Variants in ANKS1A observed in about 807,000 individuals in gnomAD.
ANKS1A encodes ankyrin repeat and sterile alpha motif domain containing 1A, also known as ankyrin repeat and SAM domain-containing protein 1A.
ANKS1A carries 55 observed loss-of-function variants against 120.3 expected under a neutral mutation model. The observed-to-expected ratio is 0.46, with a 90% confidence interval of 0.37 to 0.57. The LOEUF (loss-of-function observed/expected upper bound fraction) is 0.57. ANKS1A is among the 20% of genes least tolerant of loss of function. The pLI is 0.00. For missense variants in ANKS1A, 1,123 were observed against 1,480.3 expected (o/e 0.76, Z 3.96); for synonymous variants, 590 against 604.7 (o/e 0.98, Z 0.36).
chr6:35,090,151 A>G lies in ANKS1A; in HGVS notation c.*1542A>G, dbSNP rs1221915021. The G allele has an allele frequency of 1.6e-6, 2 of 1,289,334 alleles. No homozygotes were observed. The highest frequency in any genetic ancestry group is 2.0e-6 in the Non-Finnish European group (2 of 988,880). 79.9% of individuals were successfully genotyped at this position (1,289,334 alleles called of 1,614,324 possible). A position where few individuals can be genotyped will look rare whatever the true frequency, so the allele number is the denominator to read the frequency against. ...ACTCAGCTCTCTCTGCGGTAGAGGC[A>G]GGCCCTCCTCCACTTCTTGGTACTA... On this transcript the variant is annotated 3_prime_UTR_variant, in exon 24 of 24. Coordinates refer to ENST00000360359, the MANE Select transcript of ANKS1A (RefSeq NM_015245.3).
intron 1 of ANKS1A, among the ~76,000 whole-genome samples, chr6:34,914,112 T>G (rs1221933473): frequency 4.3e-5 from 6 of 138,936 alleles, no homozygotes; most frequent in South Asian, 2.4e-4. Flanking sequence ...TAGTAGAGAC[T>G]GGGTTTCAAC....
At chr6:34,998,719 T>C (rs1772985614) in intron 10 of ANKS1A, among the ~76,000 whole-genome samples, 1 of 152,118 alleles carries the variant, frequency 6.6e-6, no homozygotes, top group Non-Finnish European at 1.5e-5. Flanking sequence ...CAGGAATTGC[T>C]CACTCGGGGA....
rs1248252035 is a variant in ANKS1A at position 34,991,526 on chromosome 6, G to GA, written c.1302+2220dup. 1.3e-3 allele frequency among the ~76,000 whole-genome samples: 158 copies of GA among 124,996 alleles called. 2 individuals are homozygous for GA. The highest frequency in any genetic ancestry group is 6.5e-3 in the East Asian group (28 of 4,276). 82.0% of individuals were successfully genotyped at this position (124,996 alleles called of 152,430 possible). On this transcript the variant is annotated intron_variant, in intron 9 of 23. Coordinates refer to ENST00000360359, the MANE Select transcript of ANKS1A (RefSeq NM_015245.3). ...GAAATGTTGCTTTCCACATAGCCGGGAAAAAAAAAATATATACACACACAC... is the reference window on the plus strand; with the variant it reads ...GAAATGTTGCTTTCCACATAGCCGGGAAAAAAAAAAATATATACACACACAC...
chr6:35,005,116 T>A (rs1773383542), intron 10 of ANKS1A, among the ~76,000 whole-genome samples: 1 of 152,210 alleles, frequency 6.6e-6, no homozygotes, highest in African/African-American at 2.4e-5. Flanking sequence ...CTTATAAAAG[T>A]ATGTCTGTAA....
Position 35,080,015 on chromosome 6 carries a change from C to T in ANKS1A, c.2544+87C>T, listed in dbSNP as rs746495769. The T allele has an allele frequency of 1.1e-5, 16 of 1,428,588 alleles. No homozygotes were observed. The Admixed American group carries it at 1.4e-4, about 12-fold the overall frequency. The allele number at this position is 1,428,588 out of a possible 1,614,324, so 88.5% of individuals were successfully genotyped here. On this transcript the variant is annotated intron_variant, in intron 16 of 23. Coordinates refer to ENST00000360359, the MANE Select transcript of ANKS1A (RefSeq NM_015245.3). ...AGAATTCTTTAGGATTCTTCAGAGA[C>T]CACTGTAGTGTAGGAGAAAGCAGCT...
intron 8 of ANKS1A, among the ~76,000 whole-genome samples, chr6:34,986,848 T>G (rs958893748): frequency 8.5e-5 from 13 of 152,376 alleles, no homozygotes; most frequent in African/African-American, 3.1e-4. Flanking sequence ...GCTAGTTATT[T>G]CACTTATTTT....
Position 35,081,047 on chromosome 6 carries a change from C to A in ANKS1A, c.2598C>A (p.Cys866Ter). 6.2e-7 allele frequency: 1 copy of A among 1,614,106 alleles called. No individual in the cohort carries two copies. ...CCCCACTGAGTCAGAATGATTCCTGCACTGGGCGGTCGGCAGATCTGCTGC... is the reference window on the plus strand; with the variant it reads ...CCCCACTGAGTCAGAATGATTCCTGAACTGGGCGGTCGGCAGATCTGCTGC... ...TSSPLSQNDS[C>*]TGRSADLLLP... The change falls in exon 17 of 24, where the codon TGC (cysteine) becomes TGA (stop). Residue 866 changes from cysteine to a stop codon, truncating the protein, a stop_gained. Transcript: ENST00000360359. LOFTEE classifies it high-confidence loss of function.
chr6:34,946,359 G>A (rs150488402), intron 1 of ANKS1A, among the ~76,000 whole-genome samples: 2,110 of 151,960 alleles, frequency 0.014, 22 homozygotes, highest in African/African-American at 0.022. Flanking sequence ...AGGCCGAGGC[G>A]GGCAGATCAC....
rs558515993 is a variant in ANKS1A at position 35,086,797 on chromosome 6, G to A, written c.3304-155G>A. On this transcript the variant is annotated intron_variant, in intron 22 of 23. Transcript: ENST00000360359. This position sits in a 1 kb window ranked among gnomAD's most constrained non-coding sequence, Gnocchi z 5.1. Reference sequence around the variant, plus strand: ...TGCTCCAGGAGGGTGTCCCTCCTCCGCCTGCCCCCAGGGGCCTGCTCTTTG... The same window carrying A: ...TGCTCCAGGAGGGTGTCCCTCCTCCACCTGCCCCCAGGGGCCTGCTCTTTG... Among the ~76,000 whole-genome samples, 21 of 152,204 alleles carry A rather than the reference G, an allele frequency of 1.4e-4. No individual in the cohort carries two copies. The highest frequency in any genetic ancestry group is 3.9e-4 in the East Asian group (2 of 5,166).
At chr6:34,989,136 C>T in intron 8 of ANKS1A, 88 bp from the exon 9 acceptor site, 3 of 1,251,816 alleles carry the variant, frequency 2.4e-6, no homozygotes, top group African/African-American at 3.0e-5. Flanking sequence ...TTATTTTTTT[C>T]ATTTCTAAGG....
At chr6:35,014,909 C>T (rs1773924789) in intron 10 of ANKS1A, among the ~76,000 whole-genome samples, 1 of 152,210 alleles carries the variant, frequency 6.6e-6, no homozygotes, top group African/African-American at 2.4e-5. Context: ...TACTATTGAC[C>T]TGAACCACAT....
chr6:35,020,746 C>G (rs114496112), intron 11 of ANKS1A, among the ~76,000 whole-genome samples: 2,566 of 152,226 alleles, frequency 0.017, 41 homozygotes, highest in Non-Finnish European at 0.028. Context: ...TGTGTGGGCT[C>G]GTAAGCCAGT....
At chr6:34,963,325 C>A (rs1457922501) in intron 1 of ANKS1A, among the ~76,000 whole-genome samples, 1 of 152,188 alleles carries the variant, frequency 6.6e-6, no homozygotes, top group Non-Finnish European at 1.5e-5. Flanking sequence ...TGCTCTGCTT[C>A]TGTGAGTTCA....
At chr6:35,039,554 T>C (rs1160932492) in intron 11 of ANKS1A, 1 of 456,592 alleles carries the variant, frequency 2.2e-6, no homozygotes, top group East Asian at 6.9e-5. Context: ...CTTTATAACA[T>C]TTCTGTTCCT....
intron 1 of ANKS1A, among the ~76,000 whole-genome samples, chr6:34,965,934 G>A (rs1012643267): frequency 6.6e-6 from 1 of 151,868 alleles, no homozygotes; most frequent in Non-Finnish European, 1.5e-5. Context: ...TTTAGTAGAG[G>A]GTTTCACCAT....
chr6:34,936,684 G>A (rs768187490), intron 1 of ANKS1A, among the ~76,000 whole-genome samples: 5 of 152,236 alleles, frequency 3.3e-5, no homozygotes, highest in Admixed American at 6.5e-5. Flanking sequence ...TGATAATGGC[G>A]GTGATAGCTC....
chr6:34,996,878 CAA>C (rs1180392685), intron 10 of ANKS1A, among the ~76,000 whole-genome samples: 3 of 152,142 alleles, frequency 2.0e-5, no homozygotes, highest in Admixed American at 6.5e-5. Flanking sequence ...AGGTATGGAT[CAA>C]GTTTCATTGT....
At chr6:34,996,491 T>C (rs955586557) in intron 10 of ANKS1A, among the ~76,000 whole-genome samples, 21 of 151,886 alleles carry the variant, frequency 1.4e-4, no homozygotes, top group Non-Finnish European at 1.6e-4. Flanking sequence ...TTTTTTTTTT[T>C]AAGACGGAGT....
intron 13 of ANKS1A, among the ~76,000 whole-genome samples, chr6:35,062,543 G>A (rs1776561919): frequency 6.6e-6 from 1 of 152,204 alleles, no homozygotes; most frequent in Non-Finnish European, 1.5e-5. Context: ...TCTACAAGAT[G>A]CAGAAGTAGC....
Sources: gnomAD v4.1 joint callset for allele counts (sites outside exome capture counted in the v4.1 genomes callset) on GRCh38, gnomAD v4.1.1 for gene constraint, Gnocchi (gnomAD v3.1) non-coding constraint, MANE v1.5 for transcripts, NCBI Gene and HGNC (gene_info 2026-07-23, HGNC 2026-07-21) for gene names.